Variants in KLKB1 observed in about 807,000 individuals in gnomAD.
KLKB1 encodes plasma kallikrein.
Under a neutral mutation model 73.6 loss-of-function variants are expected in KLKB1, and 58 were observed. The observed-to-expected ratio is 0.79, with a 90% CI of 0.64 to 0.98. KLKB1 has a LOEUF of 0.98. KLKB1 is among the 50% of genes least tolerant of loss of function. The pLI is 0.00. For synonymous variants in KLKB1, 280 were observed against 258.1 expected, an observed-to-expected ratio of 1.08 and a Z score of -0.81; for missense variants, 737 against 763.8, an observed-to-expected ratio of 0.96 and a Z score of 0.41.
intron 6 of KLKB1, among the ~76,000 whole-genome samples, chr4:186,240,253 TTACAGTGATATAGG>T (rs908245293): frequency 2.6e-5 from 4 of 152,014 alleles, no homozygotes; most frequent in Admixed American, 6.5e-5. Flanking sequence ...AGTGATGTAG[TTACAGTGATATAGG>T]TACAGTGATA....
At chr4:186,249,132 T>C (rs537101354) in intron 6 of KLKB1, among the ~76,000 whole-genome samples, 1 of 152,336 alleles carries the variant, frequency 6.6e-6, no homozygotes, top group African/African-American at 2.4e-5. Flanking sequence ...CTTTTCACTT[T>C]ACTGATGGTG....
intron 4 of KLKB1, among the ~76,000 whole-genome samples, chr4:186,235,138 T>G (rs1274668463): frequency 6.6e-6 from 1 of 152,162 alleles, no homozygotes; most frequent in Non-Finnish European, 1.5e-5. Context: ...ATAGGTGTAG[T>G]CTACGTGAGG....
intron 2 of KLKB1, chr4:186,213,397 G>C (rs892539079): frequency 1.3e-5 from 2 of 152,186 alleles, no homozygotes; most frequent in Non-Finnish European, 2.9e-5. Flanking sequence ...ATAGAAAACT[G>C]TAAAAGATAA....
In KLKB1 at chr4:186,236,703, C is replaced by T. The variant is rs908714356; in HGVS notation, c.329-78C>T. The T allele has an allele frequency of 5.5e-6, 8 of 1,455,358 alleles. No individual in the cohort carries two copies. In the Admixed American group the frequency reaches 6.8e-5, roughly 12 times the overall value. The allele number at this position is 1,455,358 out of a possible 1,614,324, so 90.2% of individuals were successfully genotyped here. ...GGCTATTATCATTCTAAACTACCAACCCAAATGGTAGTGGGTATCTAATCT... is the reference window on the plus strand; with the variant it reads ...GGCTATTATCATTCTAAACTACCAATCCAAATGGTAGTGGGTATCTAATCT... On this transcript the variant is annotated intron_variant, in intron 4 of 14. Transcript: ENST00000264690.
chr4:186,250,983 G>T (rs1001308085), intron 7 of KLKB1: 1 of 510,052 alleles, frequency 2.0e-6, no homozygotes, highest in Non-Finnish European at 3.4e-6. Flanking sequence ...CTTCATCATT[G>T]TCCTCTTTTC....
chr4:186,232,415 C>A, intron 3 of KLKB1, 126 bp downstream of exon 3: 1 of 854,850 alleles, frequency 1.2e-6, no homozygotes, highest in Non-Finnish European at 1.9e-6. Flanking sequence ...TCAGCAAAAT[C>A]CCGTCAAGTG....
At chr4:186,219,636 G>A (rs183112109) in intron 2 of KLKB1, among the ~76,000 whole-genome samples, 26 of 152,298 alleles carry the variant, frequency 1.7e-4, no homozygotes, top group African/African-American at 5.8e-4. Context: ...AGCTGGTCAC[G>A]TGGGCATAGC....
chr4:186,240,452 A>C (rs1454714205), intron 6 of KLKB1, among the ~76,000 whole-genome samples: 2 of 152,158 alleles, frequency 1.3e-5, no homozygotes, highest in Non-Finnish European at 2.9e-5. Context: ...TAGTGAAATG[A>C]CTCTACCAGG....
chr4:186,227,956 A>G (rs1357205205), intron 1 of KLKB1, among the ~76,000 whole-genome samples: 1 of 152,184 alleles, frequency 6.6e-6, no homozygotes, highest in Non-Finnish European at 1.5e-5. Flanking sequence ...GAGTTGGCCA[A>G]TGAACAATAA....
At chr4:186,229,890 A>G (rs1241401709) in intron 2 of KLKB1, among the ~76,000 whole-genome samples, 2 of 152,112 alleles carry the variant, frequency 1.3e-5, no homozygotes, top group Non-Finnish European at 2.9e-5. Context: ...ATCAGAGCCA[A>G]CGTCTTGCAA....
At chr4:186,250,936 T>G in intron 7 of KLKB1, 1 of 437,048 alleles carries the variant, frequency 2.3e-6, no homozygotes, top group Non-Finnish European at 4.1e-6. Context: ...ATTTGTTCTT[T>G]GATTTTTTTG....
chr4:186,216,954 T>C (rs1736918927), intron 2 of KLKB1, among the ~76,000 whole-genome samples: 2 of 152,226 alleles, frequency 1.3e-5, no homozygotes, highest in Non-Finnish European at 2.9e-5. Context: ...ATCTGCAGAA[T>C]TGCTTTTCTC....
chr4:186,251,532 A>G lies in KLKB1; in HGVS notation c.914A>G (p.Glu305Gly). 1 of 1,614,026 alleles carries G rather than the reference A, an allele frequency of 6.2e-7. No homozygotes were observed. Among genetic ancestry groups the G allele is most frequent in the Admixed American group, 1.7e-5 (1 of 60,024 alleles). ...KIYPGVDFGG[E>G]ELNVTFVKGV... ...TACCCGGGAGTTGACTTTGGAGGAGAAGAATTGAATGTGACTTTTGTTAAA... is the reference window on the plus strand; with the variant it reads ...TACCCGGGAGTTGACTTTGGAGGAGGAGAATTGAATGTGACTTTTGTTAAA... Residue 305 changes from glutamate (E) to glycine (G), a missense_variant, in exon 9 of 15, where the codon GAA (glutamate) becomes GGA (glycine). Physicochemically the swap from Glu to Gly is moderately conservative, Grantham distance 98. Transcript: ENST00000264690.
At chr4:186,257,173 T>A in intron 13 of KLKB1, 53 bp from the exon 14 acceptor site, 1 of 936,752 alleles carries the variant, frequency 1.1e-6, no homozygotes, top group African/African-American at 1.7e-5. Context: ...TTATTTATTA[T>A]TTAAGTTATT....
At chr4:186,255,362 A>G (rs1378099208) in intron 12 of KLKB1, among the ~76,000 whole-genome samples, 1 of 152,078 alleles carries the variant, frequency 6.6e-6, no homozygotes, top group East Asian at 1.9e-4. Context: ...GGAGTTTGAG[A>G]CCAGCCTGGG....
chr4:186,221,661 ATAT>A (rs1163052405), upstream of KLKB1, among the ~76,000 whole-genome samples: 6 of 152,108 alleles, frequency 3.9e-5, no homozygotes, highest in Admixed American at 1.3e-4. Flanking sequence ...AAGATACTTG[ATAT>A]GATTTCAATC....
At chr4:186,216,360 G>C (rs142604880) in intron 2 of KLKB1, among the ~76,000 whole-genome samples, 1 of 152,328 alleles carries the variant, frequency 6.6e-6, no homozygotes, top group African/African-American at 2.4e-5. Flanking sequence ...GACAGTGGGC[G>C]TCTGAAAAAC....
At chr4:186,243,120 C>T in intron 6 of KLKB1, among the ~76,000 whole-genome samples, 1 of 152,178 alleles carries the variant, frequency 6.6e-6, no homozygotes, top group East Asian at 1.9e-4. Context: ...TCTGCCAGTC[C>T]TGGGCGGGGG....
intron 6 of KLKB1, among the ~76,000 whole-genome samples, chr4:186,243,302 G>A (rs915914565): frequency 1.3e-5 from 2 of 152,302 alleles, no homozygotes; most frequent in South Asian, 4.1e-4. Context: ...TTACATGGAA[G>A]AGTTTATGAA....
Sources: allele counts gnomAD v4.1 joint callset (sites outside exome capture counted in the v4.1 genomes callset), GRCh38; gene constraint gnomAD v4.1.1; transcripts MANE v1.5; gene names NCBI Gene and HGNC (gene_info 2026-07-23, HGNC 2026-07-21).